SLCO1C1: variants seen among roughly 807,000 people sequenced by gnomAD.
The protein encoded by SLCO1C1 is solute carrier organic anion transporter family member 1C1.
In SLCO1C1, 70 loss-of-function variants were observed where a neutral mutation model predicts 76.4. The ratio of observed to expected loss-of-function variants is 0.92; its 90% CI spans 0.76 to 1.12. The LOEUF (loss-of-function observed/expected upper bound fraction) is 1.12, where lower values mean the gene tolerates loss of function less well. SLCO1C1 is among the 50% of genes most tolerant of loss of function. The pLI is 0.00. For synonymous variants in SLCO1C1, 306 were observed against 286.1 expected (o/e 1.07, Z -0.70); for missense variants, 912 against 823.8 (o/e 1.11, Z -1.31).
At chr12:20,725,062 T>TTATATA (rs920425611) in intron 9 of SLCO1C1, among the ~76,000 whole-genome samples, 1 of 133,594 alleles carries the variant, frequency 7.5e-6, no homozygotes, top group Non-Finnish European at 1.6e-5. Flanking sequence ...TAATTATATA[T>TTATATA]TATATATATT....
intron 13 of SLCO1C1, among the ~76,000 whole-genome samples, chr12:20,747,877 C>T (rs914023933): frequency 1.3e-5 from 2 of 152,140 alleles, no homozygotes; most frequent in African/African-American, 4.8e-5. Context: ...TTATCAATTA[C>T]CCAATTTCAA....
intron 4 of SLCO1C1, among the ~76,000 whole-genome samples, chr12:20,708,962 C>A (rs150174934): frequency 6.6e-6 from 1 of 152,004 alleles, no homozygotes; most frequent in Middle Eastern, 3.2e-3. Context: ...GAATGAGATG[C>A]GAAGTTTTTA....
Position 20,752,405 on chromosome 12 carries a change from C to G in SLCO1C1, c.2016C>G (p.His672Gln). 1 of 1,613,188 alleles carries G rather than the reference C, an allele frequency of 6.2e-7. No individual in the cohort carries two copies. Among genetic ancestry groups the G allele is most frequent in the South Asian group, 1.1e-5 (1 of 91,006 alleles). Residue 672 changes from histidine (H) to glutamine (Q), a missense_variant, in exon 15 of 15, where the codon CAC becomes CAG. Transcript: ENST00000266509. ...TAAAGAAAAATTATGTTTCAAAACA[C>G]AGAAGTTTTATAACCAAGAGAGAAA... ...FILKKNYVSK[H>Q]RSFITKRERT...
intron 3 of SLCO1C1, among the ~76,000 whole-genome samples, chr12:20,701,972 G>C (rs1946549390): frequency 6.6e-6 from 1 of 151,842 alleles, no homozygotes; most frequent in African/African-American, 2.4e-5. Flanking sequence ...GATCAGAGCA[G>C]GCAATAAAAA....
intron 9 of SLCO1C1, among the ~76,000 whole-genome samples, chr12:20,726,689 ATTAT>A (rs1276812869): frequency 6.6e-6 from 1 of 152,060 alleles, no homozygotes; most frequent in South Asian, 2.1e-4. Flanking sequence ...TCTTTTATTT[ATTAT>A]TTATTTATAT....
chr12:20,732,491 C>G (rs558412083), intron 9 of SLCO1C1, among the ~76,000 whole-genome samples: 1 of 152,238 alleles, frequency 6.6e-6, no homozygotes, highest in South Asian at 2.1e-4. Flanking sequence ...TCAACAAAAA[C>G]AAATTTTGCC....
chr12:20,722,916 G>T (rs892079659), intron 8 of SLCO1C1, among the ~76,000 whole-genome samples, 174 bp from the exon 9 acceptor site: 5 of 152,184 alleles, frequency 3.3e-5, no homozygotes, highest in African/African-American at 4.8e-5. Flanking sequence ...CAGATCGCAG[G>T]CTTGACGCAT....
At position 20,728,827 on chromosome 12, in the gene SLCO1C1, A is replaced by C. The variant is rs190845965; in HGVS notation, c.1187-4082A>C. On this transcript the variant is annotated intron_variant, in intron 9 of 14. Coordinates refer to ENST00000266509, the MANE Select transcript of SLCO1C1 (RefSeq NM_017435.5). ...CTTTTTACATCAGTATCAAGGAATA[A>C]AATCTTTAACCTGATGAGTGTGCTA... 2.3e-3 allele frequency among the ~76,000 whole-genome samples: 350 copies of C among 152,142 alleles called. 2 individuals are homozygous for C. The highest frequency in any genetic ancestry group is 8.2e-3 in the African/African-American group (342 of 41,534).
At chr12:20,741,200 G>A (rs1948803368) in intron 12 of SLCO1C1, among the ~76,000 whole-genome samples, 1 of 151,994 alleles carries the variant, frequency 6.6e-6, no homozygotes, top group African/African-American at 2.4e-5. Context: ...CACCTCCCAA[G>A]AGGTCCCTCT....
At chr12:20,748,106 C>A (rs1430142854) in intron 13 of SLCO1C1, among the ~76,000 whole-genome samples, 1 of 152,136 alleles carries the variant, frequency 6.6e-6, no homozygotes, top group East Asian at 1.9e-4. Context: ...TGCTTAAATT[C>A]TTTAAATTAT....
chr12:20,712,652 C>T (rs1382954135), intron 5 of SLCO1C1, among the ~76,000 whole-genome samples: 1 of 152,164 alleles, frequency 6.6e-6, no homozygotes, highest in Non-Finnish European at 1.5e-5. Flanking sequence ...ACCTGCCATC[C>T]ATCCAAATCT....
At chr12:20,707,562 A>G (rs1946841312) in intron 4 of SLCO1C1, among the ~76,000 whole-genome samples, 1 of 152,184 alleles carries the variant, frequency 6.6e-6, no homozygotes, top group Non-Finnish European at 1.5e-5. Context: ...TCTGCATCTT[A>G]AAACAGGTAT....
chr12:20,701,081 C>T (rs533806864), intron 2 of SLCO1C1, among the ~76,000 whole-genome samples: 29 of 152,170 alleles, frequency 1.9e-4, no homozygotes, highest in South Asian at 1.2e-3. Flanking sequence ...ATACACATTT[C>T]GCATAAAAAC....
chr12:20,707,127 G>A (rs1946818809), intron 4 of SLCO1C1, among the ~76,000 whole-genome samples: 1 of 152,082 alleles, frequency 6.6e-6, no homozygotes, highest in Non-Finnish European at 1.5e-5. Context: ...CCATTTGGAT[G>A]AATTCCCAGG....
At chr12:20,743,172 C>T in intron 12 of SLCO1C1, 133 bp from the exon 13 acceptor site, 1 of 752,478 alleles carries the variant, frequency 1.3e-6, no homozygotes, top group East Asian at 2.5e-5. Context: ...TATGTTAGCA[C>T]ACCAATGGGT....
intron 11 of SLCO1C1, among the ~76,000 whole-genome samples, chr12:20,739,388 GTTTTT>G (rs58047375): frequency 6.7e-6 from 1 of 148,326 alleles, no homozygotes. Context: ...GATGGGAGTT[GTTTTT>G]TTTTGTTTTT....
intron 11 of SLCO1C1, among the ~76,000 whole-genome samples, chr12:20,737,863 A>C (rs1009429497): frequency 1.3e-5 from 2 of 152,160 alleles, no homozygotes; most frequent in Admixed American, 1.3e-4. Context: ...AATCTATTTT[A>C]GTCAGTCCAG....
In SLCO1C1 at chr12:20,715,148, T is replaced by C; in HGVS notation, c.539T>C (p.Val180Ala). The change falls in exon 6 of 15, where the codon GTG (valine) becomes GCG (alanine). Residue 180 changes from valine (V) to alanine (A), a missense_variant. By Grantham distance (64) the Val-to-Ala change is moderately conservative. Coordinates refer to ENST00000266509, the MANE Select transcript of SLCO1C1 (RefSeq NM_017435.5). The stretch of plus-strand genomic sequence containing the variant: ...TTGCCTTTCTTTCAAGAATGTGAAG[T>C]GGACACTAGCTCTTCCATGTGGATT... The part of the protein sequence containing the change: ...SKSKISNECE[V>A]DTSSSMWIYV... 6.2e-7 allele frequency: 1 copy of C among 1,614,006 alleles called. No homozygotes were observed. Among genetic ancestry groups the C allele is most frequent in the Non-Finnish European group, 8.5e-7 (1 of 1,179,916 alleles).
In SLCO1C1 at chr12:20,723,237, G is replaced by T; in HGVS notation, c.1169G>T (p.Arg390Met). The change falls in exon 9 of 15, where the codon AGG (arginine) becomes ATG (methionine). Residue 390 changes from arginine (R) to methionine (M), a missense_variant. Arg to Met is a moderately conservative substitution (Grantham distance 91, BLOSUM62 -1). Coordinates refer to ENST00000266509, the MANE Select transcript of SLCO1C1 (RefSeq NM_017435.5). ...CAGCAGTATGGACAGTCATCCTCCAGGGCCAACTTTGTGATCGGTATGCTC... is the reference window on the plus strand; with the variant it reads ...CAGCAGTATGGACAGTCATCCTCCATGGCCAACTTTGTGATCGGTATGCTC... ...IEQQYGQSSS[R>M]ANFVIGLINI... 6.2e-7 allele frequency: 1 copy of T among 1,613,640 alleles called. No homozygotes were observed. Among genetic ancestry groups the T allele is most frequent in the Non-Finnish European group, 8.5e-7 (1 of 1,179,864 alleles).
Sources: allele counts gnomAD v4.1 joint callset (sites outside exome capture counted in the v4.1 genomes callset), GRCh38; gene constraint gnomAD v4.1.1; transcripts MANE v1.5; gene names NCBI Gene and HGNC (gene_info 2026-07-23, HGNC 2026-07-21).